The following ADAMTS17 variants were observed in gnomAD, a reference collection of about 807,000 sequenced individuals.
ADAMTS17 encodes ADAM metallopeptidase with thrombospondin type 1 motif 17.
ADAMTS17 carries 113 observed loss-of-function variants against 141.5 expected under a neutral mutation model. The observed-to-expected ratio is 0.80, with a 90% CI of 0.69 to 0.93. The LOEUF (loss-of-function observed/expected upper bound fraction) is 0.93, where lower values mean the gene tolerates loss of function less well. Among genes scored for constraint, ADAMTS17 ranks in the 40% least tolerant of loss-of-function variants. The pLI, the probability that ADAMTS17 is intolerant of heterozygous loss-of-function variation, is 0.00. For missense variants in ADAMTS17, 1,659 were observed against 1,517.9 expected (o/e 1.09, Z -1.54); for synonymous variants, 768 against 630.6 (o/e 1.22, Z -3.27).
chr15:100,209,814 G>A (rs2041731681), intron 7 of ADAMTS17, among the ~76,000 whole-genome samples: 2 of 152,160 alleles, frequency 1.3e-5, no homozygotes, highest in South Asian at 4.1e-4. Flanking sequence ...GTATGTCCCT[G>A]TTCCATGCTT....
Position 100,341,320 on chromosome 15 carries a change from G to T in ADAMTS17, c.169C>A (p.Pro57Thr). The part of the protein sequence containing the change: ...DVHLPPLPAA[P>T]GPRRRRRPRT... ...GGGCGTCGCCGCCGTCGGGGCCCGG[G>T]GGCTGCGGGCAGCGGCGGCAGGTGC... Residue 57 changes from proline (P) to threonine (T), a missense_variant, in exon 2 of 22, where the codon CCC becomes ACC. By Grantham distance (38) the Pro-to-Thr change is conservative. Transcript: ENST00000268070. 1 of 1,037,388 alleles carries T rather than the reference G, an allele frequency of 9.6e-7. No homozygotes were observed. The highest frequency in any genetic ancestry group is 1.7e-5 in the African/African-American group (1 of 58,046). 64.3% of individuals were successfully genotyped at this position (1,037,388 alleles called of 1,614,324 possible).
chr15:100,190,976 C>G (rs151270401), intron 8 of ADAMTS17, among the ~76,000 whole-genome samples: 1 of 152,166 alleles, frequency 6.6e-6, no homozygotes, highest in Non-Finnish European at 1.5e-5. Context: ...AGGTGGCTCA[C>G]CGTCTGCAAA....
At chr15:100,276,543 C>T (rs2044102516) in intron 4 of ADAMTS17, among the ~76,000 whole-genome samples, 1 of 148,716 alleles carries the variant, frequency 6.7e-6, no homozygotes, top group African/African-American at 2.5e-5. Flanking sequence ...GGGTGCCTGG[C>T]CATCAGCACG....
At chr15:100,147,272 A>T (rs1223644925) in intron 10 of ADAMTS17, among the ~76,000 whole-genome samples, 2 of 152,160 alleles carry the variant, frequency 1.3e-5, no homozygotes, top group Non-Finnish European at 2.9e-5. Flanking sequence ...AGGAAAATAG[A>T]AAAGAACCTA....
chr15:100,234,969 G>A (rs2042608564), intron 7 of ADAMTS17, among the ~76,000 whole-genome samples: 1 of 152,226 alleles, frequency 6.6e-6, no homozygotes, highest in Admixed American at 6.5e-5. Flanking sequence ...CATGAGGGAA[G>A]AGGCATGAAT....
chr15:100,283,447 A>T (rs1025359289), intron 3 of ADAMTS17, among the ~76,000 whole-genome samples: 2 of 152,174 alleles, frequency 1.3e-5, no homozygotes, highest in African/African-American at 2.4e-5. Flanking sequence ...TCCATTTTAA[A>T]GGTGCAGAGC....
intron 2 of ADAMTS17, among the ~76,000 whole-genome samples, chr15:100,332,997 C>G (rs189842515): frequency 1.3e-5 from 2 of 152,280 alleles, no homozygotes; most frequent in Admixed American, 1.3e-4. Flanking sequence ...CAGGTTCCTT[C>G]AAGCCTAACA....
At chr15:100,165,318 G>C (rs2141437537) in intron 8 of ADAMTS17, among the ~76,000 whole-genome samples, 1 of 152,304 alleles carries the variant, frequency 6.6e-6, no homozygotes, top group East Asian at 1.9e-4. Flanking sequence ...TGACATGAAA[G>C]CAGCATATGA....
At position 100,152,714 on chromosome 15, in the gene ADAMTS17, G is replaced by A. The variant is rs774571766; in HGVS notation, c.1371C>T (p.His457=). 1.2e-5 allele frequency: 19 copies of A among 1,614,228 alleles called. No individual in the cohort carries two copies. The highest frequency in any genetic ancestry group is 1.6e-4 in the Middle Eastern group (1 of 6,062). ...CLLVTDPRSQ[H]TVRLPHKLPG... Reference sequence around the variant, plus strand: ...GCAGCTTGTGCGGGAGGCGTACTGTGTGCTGGCTTCTGGGGTCCGTGACTA... The same window carrying A: ...GCAGCTTGTGCGGGAGGCGTACTGTATGCTGGCTTCTGGGGTCCGTGACTA... Residue 457 remains histidine, a synonymous_variant, in exon 10 of 22, where the codon CAC becomes CAT. Transcript: ENST00000268070.
chr15:100,337,714 C>A (rs1055339250), intron 2 of ADAMTS17, among the ~76,000 whole-genome samples: 8 of 152,230 alleles, frequency 5.3e-5, no homozygotes, highest in African/African-American at 7.2e-5. Context: ...CAGACCAAAC[C>A]CGACAGCAGG....
At position 100,109,072 on chromosome 15, in the gene ADAMTS17, G is replaced by A; in HGVS notation, c.1933C>T (p.Pro645Ser). 6.2e-6 allele frequency: 10 copies of A among 1,613,894 alleles called. No homozygotes were observed. Among genetic ancestry groups the A allele is most frequent in the African/African-American group, 1.3e-5 (1 of 74,970 alleles). Residue 645 changes from proline to serine, a missense_variant, in exon 14 of 22, where the codon CCA (proline) becomes TCA (serine). Coordinates refer to ENST00000268070, the MANE Select transcript of ADAMTS17 (RefSeq NM_139057.4). ...LYCSPLGKESPLLVADRVLDG... is the reference protein window; with the variant it reads ...LYCSPLGKESSLLVADRVLDG... ...AGGACCCTGTCGGCCACCAGCAGTG[G>A]GGACTCCTTCCCGAGGGGCGAGCAG...
chr15:100,301,611 G>C (rs911856960), intron 3 of ADAMTS17, among the ~76,000 whole-genome samples: 1 of 151,778 alleles, frequency 6.6e-6, no homozygotes, highest in Admixed American at 6.6e-5. Context: ...GATTACAGGC[G>C]TGAGTCACCA....
At chr15:100,320,726 G>A (rs78301694) in intron 3 of ADAMTS17, among the ~76,000 whole-genome samples, 14,504 of 152,126 alleles carry the variant, frequency 0.095, 1,140 homozygotes, top group East Asian at 0.25. Flanking sequence ...CCAGCTACTC[G>A]AAAGGTTAAG....
chr15:100,101,685 C>T (rs1285200748), intron 14 of ADAMTS17, among the ~76,000 whole-genome samples: 2 of 152,176 alleles, frequency 1.3e-5, no homozygotes, highest in African/African-American at 2.4e-5. Context: ...TCAGTAAGAG[C>T]ATACAAATGA....
chr15:100,277,861 C>T (rs1262992061), intron 4 of ADAMTS17, among the ~76,000 whole-genome samples: 1 of 152,224 alleles, frequency 6.6e-6, no homozygotes, highest in Non-Finnish European at 1.5e-5. Flanking sequence ...ACATTATTCA[C>T]AGTAGCAAAA....
intron 3 of ADAMTS17, among the ~76,000 whole-genome samples, chr15:100,295,808 G>A (rs895076019): frequency 1.8e-4 from 27 of 152,152 alleles, no homozygotes; most frequent in African/African-American, 6.3e-4. Context: ...ACATAGAGAA[G>A]GTCAGACCTT....
At chr15:100,292,603 T>C (rs992934348) in intron 3 of ADAMTS17, among the ~76,000 whole-genome samples, 4 of 152,088 alleles carry the variant, frequency 2.6e-5, no homozygotes, top group Non-Finnish European at 5.9e-5. Flanking sequence ...TGTGAAATTA[T>C]GAGAGATACT....
At chr15:100,091,967 T>G (rs1816740183) in intron 15 of ADAMTS17, among the ~76,000 whole-genome samples, 1 of 152,180 alleles carries the variant, frequency 6.6e-6, no homozygotes, top group African/African-American at 2.4e-5. Flanking sequence ...TGTGCCTTGG[T>G]TCGCCCCTCA....
At chr15:100,337,230 A>C (rs898290640) in intron 2 of ADAMTS17, among the ~76,000 whole-genome samples, 2 of 152,222 alleles carry the variant, frequency 1.3e-5, no homozygotes, top group African/African-American at 2.4e-5. Context: ...AGAGGTATGC[A>C]TTCTCTAAAG....
Sources: allele counts gnomAD v4.1 joint callset (sites outside exome capture counted in the v4.1 genomes callset), GRCh38; gene constraint gnomAD v4.1.1; transcripts MANE v1.5; gene names NCBI Gene and HGNC (gene_info 2026-07-23, HGNC 2026-07-21).